MYO10: variants seen among roughly 807,000 people sequenced by gnomAD.
MYO10 encodes the protein myosin X.
A neutral mutation model predicts 257.3 loss-of-function variants in MYO10; 133 were observed. The ratio of observed to expected loss-of-function variants is 0.52; its 90% confidence interval spans 0.45 to 0.60. The LOEUF (loss-of-function observed/expected upper bound fraction) is 0.60. Among genes scored for constraint, MYO10 ranks in the 20% least tolerant of loss-of-function variants. The probability of loss-of-function intolerance (pLI) is 0.00; values close to 1 mark genes in which losing one functional copy is unlikely to be tolerated. For synonymous variants in MYO10, 1,104 were observed against 1,028.6 expected, an observed-to-expected ratio of 1.07 and a Z score of -1.40; for missense variants, 2,399 against 2,635.7, an observed-to-expected ratio of 0.91 and a Z score of 1.97.
chr5:16,759,583 G>C (rs970816519), intron 17 of MYO10, among the ~76,000 whole-genome samples: 1 of 152,158 alleles, frequency 6.6e-6, no homozygotes, highest in Non-Finnish European at 1.5e-5. Context: ...GGTTGAGACA[G>C]GAAGTTCTTT....
chr5:16,794,399 A>C (rs1741867603), intron 4 of MYO10, among the ~76,000 whole-genome samples: 1 of 151,530 alleles, frequency 6.6e-6, no homozygotes, highest in Admixed American at 6.6e-5. Flanking sequence ...AAAAAAAAAA[A>C]AAAAGGAACA....
At chr5:16,822,198 G>A (rs1035749189) in intron 2 of MYO10, among the ~76,000 whole-genome samples, 1 of 152,022 alleles carries the variant, frequency 6.6e-6, no homozygotes, top group African/African-American at 2.4e-5. Context: ...TGATGGGATG[G>A]CGTGTGCGGC....
intron 2 of MYO10, among the ~76,000 whole-genome samples, chr5:16,853,047 A>G (rs1743853372): frequency 6.6e-6 from 1 of 152,060 alleles, no homozygotes. Flanking sequence ...CTAAAAAGAG[A>G]GCCTCGAAAT....
chr5:16,831,944 GTTTA>G (rs939070115), intron 2 of MYO10, among the ~76,000 whole-genome samples: 5 of 152,138 alleles, frequency 3.3e-5, no homozygotes, highest in Non-Finnish European at 4.4e-5. Context: ...GTGTGTGTGT[GTTTA>G]TTTATTTATT....
chr5:16,665,273 C>T lies in MYO10; in HGVS notation c.*1419G>A, dbSNP rs865976679. ...GCCTCCCCTCCATGGTTTTTAGAGC[C>T]TCCTCTGATAAAGGAAACACACAGC... On this transcript the variant is annotated 3_prime_UTR_variant, in exon 41 of 41. Coordinates refer to ENST00000513610, the MANE Select transcript of MYO10 (RefSeq NM_012334.3). 6.6e-6 allele frequency: 1 copy of T among 151,826 alleles called. No homozygotes were observed. The highest frequency in any genetic ancestry group is 2.4e-5 in the African/African-American group (1 of 41,338). 9.4% of individuals were successfully genotyped at this position (151,826 alleles called of 1,614,324 possible).
At chr5:16,748,497 C>A (rs532977793) in intron 19 of MYO10, among the ~76,000 whole-genome samples, 4 of 150,476 alleles carry the variant, frequency 2.7e-5, no homozygotes, top group Admixed American at 6.7e-5. Context: ...CGCGCCCCCC[C>A]GCCCCCCATC....
intron 1 of MYO10, among the ~76,000 whole-genome samples, chr5:16,932,059 G>A (rs1007073409): frequency 5.3e-5 from 8 of 152,284 alleles, no homozygotes; most frequent in South Asian, 4.1e-4. Flanking sequence ...TCCACTTAAC[G>A]TCTTTAGAAT....
At chr5:16,669,554 AAG>A (rs1196571673) in intron 39 of MYO10, among the ~76,000 whole-genome samples, 5 of 152,198 alleles carry the variant, frequency 3.3e-5, no homozygotes, top group Non-Finnish European at 5.9e-5. Flanking sequence ...GCAGGAAGCC[AAG>A]AGTTTAACTG....
In MYO10 at chr5:16,824,750, C is replaced by T. The variant is rs1399558158; in HGVS notation, c.121-6583G>A. Among the ~76,000 whole-genome samples the T allele has an allele frequency of 3.3e-5, 5 of 152,146 alleles. No individual in the cohort carries two copies. The East Asian group carries it at 7.7e-4, about 24-fold the overall frequency. On this transcript the variant is annotated intron_variant, in intron 2 of 40. Transcript: ENST00000513610. The stretch of plus-strand genomic sequence containing the variant: ...GGCGTGGTGGCACGCACCTGTAGTC[C>T]CAGCTACTCAGGAGGCTGAGGCAGG...
chr5:16,930,450 T>C (rs1380499084), intron 1 of MYO10, among the ~76,000 whole-genome samples: 2 of 151,966 alleles, frequency 1.3e-5, no homozygotes, highest in Admixed American at 1.3e-4. Flanking sequence ...TTAGACAGAG[T>C]TCTGGAAATA....
intron 2 of MYO10, among the ~76,000 whole-genome samples, chr5:16,838,367 T>G (rs529603452): frequency 2.6e-5 from 4 of 152,176 alleles, no homozygotes; most frequent in African/African-American, 9.7e-5. Context: ...TAGAGGAAGT[T>G]TGAGTGGTCT....
At chr5:16,760,339 T>C (rs1238604511) in intron 17 of MYO10, among the ~76,000 whole-genome samples, 1 of 149,374 alleles carries the variant, frequency 6.7e-6, no homozygotes, top group Non-Finnish European at 1.5e-5. Flanking sequence ...CGGGCACCTG[T>C]AGTCCCAGCT....
chr5:16,723,245 G>A (rs1370248847), intron 19 of MYO10, among the ~76,000 whole-genome samples: 1 of 151,536 alleles, frequency 6.6e-6, no homozygotes, highest in African/African-American at 2.4e-5. Flanking sequence ...AAAATTAGCT[G>A]GGCGTGGTGG....
intron 19 of MYO10, among the ~76,000 whole-genome samples, chr5:16,753,129 G>A (rs562993105): frequency 6.6e-6 from 1 of 152,246 alleles, no homozygotes; most frequent in South Asian, 2.1e-4. Flanking sequence ...CTAGAAGACA[G>A]ATAATTCAAC....
In MYO10 at chr5:16,708,718, C is replaced by A. The variant is rs150305487; in HGVS notation, c.2169+2190G>T. 2.2e-4 allele frequency among the ~76,000 whole-genome samples: 33 copies of A among 152,210 alleles called. No individual in the cohort carries two copies. In the East Asian group the frequency reaches 6.2e-3, roughly 29 times the overall value. On this transcript the variant is annotated intron_variant, in intron 21 of 40. Coordinates refer to ENST00000513610, the MANE Select transcript of MYO10 (RefSeq NM_012334.3). ...CTGGGACTATAGGCACATGCCACCA[C>A]GCCTGGCTAATTTTTCTGAATTTCA...
In MYO10 at chr5:16,674,896, G is replaced by C; in HGVS notation, c.4921C>G (p.Pro1641Ala). The C allele has an allele frequency of 1.2e-6, 2 of 1,613,982 alleles. No homozygotes were observed. The highest frequency in any genetic ancestry group is 1.7e-6 in the Non-Finnish European group (2 of 1,179,898). ...ILTCLSCTFL[P>A]SRGILKYLKF... ...AGATACTTGAGAATCCCTCGACTCG[G>C]CAGGAAGGTGCAGCTCAGGCATGTC... The change falls in exon 35 of 41, where the codon CCG becomes GCG. Residue 1641 changes from proline to alanine, a missense_variant. By Grantham distance (27) the Pro-to-Ala change is conservative. This residue lies in a region of MYO10 where 1,820 missense variants were observed against 1,939.4 expected (regional missense o/e 0.94). Transcript: ENST00000513610.
Position 16,766,086 on chromosome 5 carries a change from A to C in MYO10, c.1173T>G (p.Val391=). The C allele has an allele frequency of 6.2e-7, 1 of 1,606,032 alleles. No homozygotes were observed. Among genetic ancestry groups the C allele is most frequent in the Non-Finnish European group, 8.5e-7 (1 of 1,172,654 alleles). The stretch of plus-strand genomic sequence containing the variant: ...GATGGCAAAGCGTGTGTACCTGTTG[A>C]ACATTGAGAGGCGTGAGGATCTCTT... The part of the protein sequence containing the change: ...RGEEILTPLN[V]QQAVDSRDSL... Residue 391 remains valine, a synonymous_variant, in exon 11 of 41, where the codon GTT becomes GTG. Transcript: ENST00000513610.
chr5:16,683,963 T>A, intron 29 of MYO10, 28 bp from the exon 30 acceptor site: 2 of 1,608,012 alleles, frequency 1.2e-6, no homozygotes, highest in South Asian at 1.1e-5. Context: ...GTAAACAGAA[T>A]GAGAGAAGCA....
chr5:16,852,235 TAAAA>T (rs59699107), intron 2 of MYO10, among the ~76,000 whole-genome samples: 15 of 132,944 alleles, frequency 1.1e-4, no homozygotes, highest in East Asian at 2.2e-4. Context: ...GAGTACAGGC[TAAAA>T]AAAAAAAAAA....
Sources: allele counts gnomAD v4.1 joint callset (sites outside exome capture counted in the v4.1 genomes callset), GRCh38; gene constraint gnomAD v4.1.1; regional missense constraint gnomAD v4.1.1; transcripts MANE v1.5; gene names NCBI Gene and HGNC (gene_info 2026-07-23, HGNC 2026-07-21).